The following SIRT4 variants were observed in gnomAD, a reference collection of about 807,000 sequenced individuals.
SIRT4 encodes NAD-dependent protein lipoamidase sirtuin-4, mitochondrial.
In SIRT4, 23 loss-of-function variants were observed where a neutral mutation model predicts 26.1. That is an observed-to-expected ratio of 0.88 (90% CI 0.63 to 1.25). The LOEUF (loss-of-function observed/expected upper bound fraction) is 1.25. Among genes scored for constraint, SIRT4 ranks in the 50% most tolerant of loss-of-function variants. The probability of loss-of-function intolerance (pLI) is 0.00; values close to 1 mark genes in which losing one functional copy is unlikely to be tolerated. For synonymous variants in SIRT4, 155 were observed against 158.4 expected (o/e 0.98, Z 0.16); for missense variants, 361 against 405.4 (o/e 0.89, Z 0.94).
chr12:120,310,892 C>T (rs1408390125), intron 2 of SIRT4, among the ~76,000 whole-genome samples: 34 of 151,276 alleles, frequency 2.2e-4, no homozygotes, highest in African/African-American at 7.3e-4. Context: ...CCCGCCACCA[C>T]GGCCGGCTAA....
At chr12:120,292,638 A>C in the SIRT4 span, among the ~76,000 whole-genome samples, 1 of 151,844 alleles carries the variant, frequency 6.6e-6, no homozygotes, top group Non-Finnish European at 1.5e-5. Flanking sequence ...CAGGACAGCC[A>C]GCTGGCAAGA....
chr12:120,309,503 C>T (rs1241462206), intron 2 of SIRT4, among the ~76,000 whole-genome samples: 1 of 151,094 alleles, frequency 6.6e-6, no homozygotes, highest in East Asian at 2.0e-4. Flanking sequence ...CCTCCACCTC[C>T]CGGGTTCAAC....
chr12:120,303,442 T>C, intron 1 of SIRT4, 119 bp from the exon 2 acceptor site: 1 of 1,204,888 alleles, frequency 8.3e-7, no homozygotes, highest in East Asian at 2.4e-5. Context: ...GCCACTGTAC[T>C]CTAGCCTGGG....
At chr12:120,303,524 C>A (rs1475256994) in intron 1 of SIRT4, 37 bp from the exon 2 acceptor site, 8 of 1,531,654 alleles carry the variant, frequency 5.2e-6, no homozygotes, top group East Asian at 2.3e-5. Context: ...AAAAAAAAAC[C>A]ACCCCAGTTT....
At chr12:120,297,150 T>G in the SIRT4 span, among the ~76,000 whole-genome samples, 7 of 151,762 alleles carry the variant, frequency 4.6e-5, no homozygotes, top group Non-Finnish European at 7.4e-5. Context: ...TTGAACCCGG[T>G]AGGCGGAGGT....
chr12:120,297,456 C>T (rs151153293), upstream of SIRT4, among the ~76,000 whole-genome samples: 386 of 146,488 alleles, frequency 2.6e-3, 2 homozygotes, highest in African/African-American at 9.4e-3. Flanking sequence ...CAGTAGCTAT[C>T]AAGTGAAATT....
intron 1 of SIRT4, 145 bp from the exon 2 acceptor site, chr12:120,303,416 A>G (rs867197080): frequency 2.2e-6 from 2 of 894,674 alleles, no homozygotes; most frequent in Non-Finnish European, 3.3e-6. Context: ...CGGCGGTTAC[A>G]GTGAGCCAAG....
At chr12:120,294,432 T>C in the SIRT4 span, among the ~76,000 whole-genome samples, 2 of 151,988 alleles carry the variant, frequency 1.3e-5, no homozygotes, top group South Asian at 2.1e-4. Flanking sequence ...GCTGGGATTA[T>C]TTTTAGTAGA....
At chr12:120,295,810 C>T in the SIRT4 span, among the ~76,000 whole-genome samples, 2 of 151,696 alleles carry the variant, frequency 1.3e-5, no homozygotes, top group African/African-American at 2.4e-5. Context: ...GTAATCCCAA[C>T]GCTTTGGGAG....
At chr12:120,297,535 A>AAAAG (rs143033841), upstream of SIRT4, among the ~76,000 whole-genome samples, 40 of 151,758 alleles carry the variant, frequency 2.6e-4, no homozygotes, top group Middle Eastern at 3.4e-3. Flanking sequence ...CAAAAATTAA[A>AAAAG]AAAGAAAGAA....
chr12:120,310,139 A>AT (rs1044517026), intron 2 of SIRT4, among the ~76,000 whole-genome samples: 2 of 151,950 alleles, frequency 1.3e-5, no homozygotes, highest in Admixed American at 1.3e-4. Context: ...TAATTAAAAA[A>AT]TTTTTTTTGG....
At chr12:120,310,748 T>G (rs988532729) in intron 2 of SIRT4, among the ~76,000 whole-genome samples, 2 of 150,980 alleles carry the variant, frequency 1.3e-5, no homozygotes, top group African/African-American at 4.9e-5. Flanking sequence ...GTCTCTTTTT[T>G]TTTTTTGAGA....
chr12:120,293,537 C>T, the SIRT4 span, among the ~76,000 whole-genome samples: 3 of 152,120 alleles, frequency 2.0e-5, no homozygotes, highest in Non-Finnish European at 4.4e-5. Context: ...TCACTTGGCT[C>T]CAGATTCAGT....
chr12:120,298,908 AAAAT>A (rs34954726), upstream of SIRT4, among the ~76,000 whole-genome samples: 1,148 of 127,510 alleles, frequency 9.0e-3, 9 homozygotes, highest in Middle Eastern at 0.047. Context: ...TCCGTCTCAA[AAAAT>A]AAATAAATAA....
At chr12:120,307,263 G>A (rs748264016) in intron 2 of SIRT4, among the ~76,000 whole-genome samples, 16 of 152,178 alleles carry the variant, frequency 1.1e-4, no homozygotes, top group Non-Finnish European at 2.2e-4. Context: ...GGCTGAGGGG[G>A]CGGATCACTT....
chr12:120,299,692 C>A (rs935270037), upstream of SIRT4, among the ~76,000 whole-genome samples: 1 of 152,090 alleles, frequency 6.6e-6, no homozygotes, highest in African/African-American at 2.4e-5. Flanking sequence ...GGTGAGTGTA[C>A]GGCGCCTGCA....
upstream of SIRT4, among the ~76,000 whole-genome samples, chr12:120,302,026 G>GT (rs1262972139): frequency 1.2e-4 from 13 of 109,404 alleles, no homozygotes; most frequent in African/African-American, 5.7e-4. Flanking sequence ...CCAGACTGGA[G>GT]TTTTTTCAAA....
In SIRT4 at chr12:120,313,040, C is replaced by T; in HGVS notation, c.*4C>T. ...GCCTTTGATAGACCCATGCTGACCA[C>T]AGCCTGATATTCCAGAACCTGGAAC... On this transcript the variant is annotated 3_prime_UTR_variant, in exon 4 of 4. Coordinates refer to ENST00000202967, the MANE Select transcript of SIRT4 (RefSeq NM_012240.3). The T allele has an allele frequency of 6.2e-7, 1 of 1,614,082 alleles. No individual in the cohort carries two copies. Among genetic ancestry groups the T allele is most frequent in the East Asian group, 2.2e-5 (1 of 44,876 alleles).
chr12:120,293,230 G>C, the SIRT4 span: 1 of 152,164 alleles, frequency 6.6e-6, no homozygotes, highest in Non-Finnish European at 1.5e-5. Context: ...CTGCCACTGC[G>C]CAAAGCTAAT....
Sources: allele counts gnomAD v4.1 joint callset (sites outside exome capture counted in the v4.1 genomes callset), GRCh38; gene constraint gnomAD v4.1.1; transcripts MANE v1.5; gene names NCBI Gene and HGNC (gene_info 2026-07-23, HGNC 2026-07-21).